H2AC25: variants seen among roughly 807,000 people sequenced by gnomAD.
H2AC25 encodes histone H2A type 3.
the H2AC25 span, chr1:228,457,847 AC>A: frequency 1.3e-6 from 2 of 1,576,882 alleles, no homozygotes; most frequent in African/African-American, 1.4e-5. Context: ...GACAACGGCA[AC>A]CGAAAAGCGA....
chr1:228,457,596 G>C, the H2AC25 span: 51 of 1,613,890 alleles, frequency 3.2e-5, no homozygotes, highest in Non-Finnish European at 3.6e-5. Context: ...GCGTCTTCTT[G>C]TTGTCGCGCG....
At chr1:228,457,545 G>C in the H2AC25 span, 2 of 1,614,120 alleles carry the variant, frequency 1.2e-6, no homozygotes, top group South Asian at 1.1e-5. Context: ...TGAGCTCCTC[G>C]TCGTTGCGGA....
chr1:228,457,685 C>G, the H2AC25 span: 4 of 1,613,458 alleles, frequency 2.5e-6, no homozygotes, highest in Non-Finnish European at 8.5e-7. Context: ...GCGCCGGCGC[C>G]CACGCGCTCC....
chr1:228,457,822 G>A, the H2AC25 span: 3 of 1,585,860 alleles, frequency 1.9e-6, no homozygotes, highest in Non-Finnish European at 8.5e-7. Flanking sequence ...GGACATTTCC[G>A]AGTCAAGGAA....
chr1:228,457,824 G>C, the H2AC25 span: 1 of 1,585,084 alleles, frequency 6.3e-7, no homozygotes, highest in South Asian at 1.1e-5. Flanking sequence ...ACATTTCCGA[G>C]TCAAGGAAAA....
At chr1:228,457,442 TGTG>T in the H2AC25 span, 1 of 1,614,088 alleles carries the variant, frequency 6.2e-7, no homozygotes, top group Non-Finnish European at 8.5e-7. Context: ...CCCTTGGCCT[TGTG>T]GTGGCTCTCC....
chr1:228,457,728 G>A, the H2AC25 span: 3 of 1,612,638 alleles, frequency 1.9e-6, no homozygotes, highest in African/African-American at 2.7e-5. Flanking sequence ...ACCGGTGCAC[G>A]CGGCCCACGG....
At chr1:228,457,557 G>T in the H2AC25 span, 228 of 1,613,988 alleles carry the variant, frequency 1.4e-4, no homozygotes, top group Non-Finnish European at 1.8e-4. Flanking sequence ...CGTTGCGGAT[G>T]GCCAGCTGCA....
the H2AC25 span, chr1:228,457,588 GTCT>G: frequency 6.2e-7 from 1 of 1,614,070 alleles, no homozygotes; most frequent in Non-Finnish European, 8.5e-7. Flanking sequence ...GATGATGCGC[GTCT>G]TCTTGTTGTC....
the H2AC25 span, chr1:228,457,808 G>A: frequency 5.0e-6 from 8 of 1,598,020 alleles, no homozygotes; most frequent in Non-Finnish European, 6.0e-6. Context: ...TGCTTACCAC[G>A]ACCGGACATT....
At chr1:228,457,381 A>G in the H2AC25 span, 1 of 1,607,372 alleles carries the variant, frequency 6.2e-7, no homozygotes, top group Middle Eastern at 1.7e-4. Context: ...CTCTGAAAAG[A>G]GCCTTTATGT....
chr1:228,457,837 G>C, the H2AC25 span: 15 of 1,579,966 alleles, frequency 9.5e-6, no homozygotes, highest in African/African-American at 8.2e-5. Context: ...AAGGAAAAAA[G>C]ACAACGGCAA....
At chr1:228,457,677 G>A in the H2AC25 span, 2 of 1,613,656 alleles carry the variant, frequency 1.2e-6, no homozygotes, top group Non-Finnish European at 1.7e-6. Flanking sequence ...AGACCGGGGC[G>A]CCGGCGCCCA....
the H2AC25 span, chr1:228,457,827 A>G: frequency 3.8e-6 from 6 of 1,582,824 alleles, no homozygotes; most frequent in African/African-American, 2.7e-5. Flanking sequence ...TTTCCGAGTC[A>G]AGGAAAAAAG....
the H2AC25 span, chr1:228,457,783 C>G: frequency 6.2e-7 from 1 of 1,608,106 alleles, no homozygotes; most frequent in Non-Finnish European, 8.5e-7. Flanking sequence ...AGCCTTGGCG[C>G]GCGCCTTGCC....
chr1:228,457,845 C>T, the H2AC25 span: 11 of 1,578,472 alleles, frequency 7.0e-6, 1 homozygote, highest in Admixed American at 3.7e-5. Context: ...AAGACAACGG[C>T]AACCGAAAAG....
the H2AC25 span, chr1:228,457,774 G>A: frequency 4.4e-5 from 71 of 1,609,224 alleles, no homozygotes; most frequent in East Asian, 1.4e-3. Context: ...GCGCGACTTA[G>A]CCTTGGCGCG....
At chr1:228,457,870 A>G in the H2AC25 span, 2,378 of 1,561,542 alleles carry the variant, frequency 1.5e-3, 35 homozygotes, top group African/African-American at 0.028. Context: ...ACTAAAAACA[A>G]GAGGGCAGTG....
chr1:228,457,525 A>G, the H2AC25 span: 1 of 1,614,120 alleles, frequency 6.2e-7, no homozygotes, highest in Non-Finnish European at 8.5e-7. Context: ...CACGCGGCCC[A>G]GCAGCTTGTT....
Sources: gnomAD v4.1 joint callset for allele counts on GRCh38, gnomAD v4.1.1 for gene constraint, MANE v1.5 for transcripts, NCBI Gene and HGNC (gene_info 2026-07-23, HGNC 2026-07-21) for gene names.